The following ETFA variants were observed in gnomAD, a reference collection of about 807,000 sequenced individuals.
ETFA encodes electron transfer flavoprotein subunit alpha, mitochondrial.
ETFA carries 22 observed loss-of-function variants against 46.2 expected under a neutral mutation model. The ratio of observed to expected loss-of-function variants is 0.48; its 90% confidence interval spans 0.34 to 0.68. ETFA has a LOEUF of 0.68. ETFA is among the 30% of genes least tolerant of loss of function. The pLI is 0.01. For synonymous variants in ETFA, 131 were observed against 139.9 expected, an observed-to-expected ratio of 0.94 and a Z score of 0.45; for missense variants, 345 against 401.1, an observed-to-expected ratio of 0.86 and a Z score of 1.19.
intron 8 of ETFA, among the ~76,000 whole-genome samples, chr15:76,280,039 C>T (rs1045588006): frequency 6.6e-6 from 1 of 152,110 alleles, no homozygotes; most frequent in Non-Finnish European, 1.5e-5. Context: ...GCAGGGACTA[C>T]AGGCTCACAC....
intron 9 of ETFA, chr15:76,261,652 C>G (rs555730073): frequency 2.6e-4 from 98 of 383,766 alleles, no homozygotes; most frequent in African/African-American, 2.0e-3. Context: ...GCGGCAGCAG[C>G]AGGAGCCCCA....
chr15:76,286,263 CA>C, intron 6 of ETFA, 107 bp downstream of exon 6: 3 of 637,650 alleles, frequency 4.7e-6, no homozygotes, highest in South Asian at 4.2e-5. Context: ...ATTGAACTTT[CA>C]AATACTATTC....
chr15:76,228,158 G>T, intron 10 of ETFA: 1 of 364,676 alleles, frequency 2.7e-6, no homozygotes, highest in Non-Finnish European at 5.3e-6. Flanking sequence ...TCATCCGAAA[G>T]CTTTTTCATT....
intron 9 of ETFA, among the ~76,000 whole-genome samples, chr15:76,267,473 T>C (rs2039481502): frequency 6.6e-6 from 1 of 152,212 alleles, no homozygotes; most frequent in South Asian, 2.1e-4. Context: ...AAATCTAAGA[T>C]ATTTCCATTT....
chr15:76,291,002 G>A (rs1404035421), intron 4 of ETFA, among the ~76,000 whole-genome samples: 1 of 152,144 alleles, frequency 6.6e-6, no homozygotes. Context: ...GATGACTTGA[G>A]GCCAGGAGTT....
In ETFA at chr15:76,216,411, A is replaced by C; in HGVS notation, c.*148T>G. 1.6e-6 allele frequency: 1 copy of C among 616,604 alleles called. No homozygotes were observed. 38.2% of individuals were successfully genotyped at this position (616,604 alleles called of 1,614,324 possible). A position where few individuals can be genotyped will look rare whatever the true frequency, so the allele number is the denominator to read the frequency against. ...AAGGAAACACAGCAATCCCATAAACAAGCATTCTGGCATCTGTTAGAAATT... is the reference window on the plus strand; with the variant it reads ...AAGGAAACACAGCAATCCCATAAACCAGCATTCTGGCATCTGTTAGAAATT... On this transcript the variant is annotated 3_prime_UTR_variant, in exon 12 of 12. Transcript: ENST00000557943.
At chr15:76,308,366 A>G (rs1001302610) in intron 1 of ETFA, among the ~76,000 whole-genome samples, 1 of 152,216 alleles carries the variant, frequency 6.6e-6, no homozygotes, top group Non-Finnish European at 1.5e-5. Flanking sequence ...TTGACAGTGG[A>G]GAAACCTGGC....
chr15:76,284,464 A>C (rs1477827358), intron 7 of ETFA: 1 of 208,542 alleles, frequency 4.8e-6, no homozygotes, highest in Non-Finnish European at 9.4e-6. Flanking sequence ...GTCTCTACTA[A>C]AAATACAAAA....
At chr15:76,243,047 A>G (rs1027091714) in intron 9 of ETFA, among the ~76,000 whole-genome samples, 6 of 152,232 alleles carry the variant, frequency 3.9e-5, no homozygotes, top group Non-Finnish European at 8.8e-5. Context: ...TTATAATCCC[A>G]GCACTTTGGG....
In ETFA at chr15:76,292,461, G is replaced by A. The variant is rs368550471; in HGVS notation, c.321C>T (p.His107=). ...LATQKQFNYT[H]ICAGASAFGK... is the part of the protein sequence containing the mutation. The stretch of plus-strand genomic sequence containing the variant: ...CGAAGGCAGATGCTCCAGCACAGAT[G>A]TGTGTGTAATTGAACTGCTTCTGAG... Residue 107 remains histidine (H), a synonymous_variant, in exon 4 of 12, where the codon CAC becomes CAT. Coordinates refer to ENST00000557943, the MANE Select transcript of ETFA (RefSeq NM_000126.4). 21 of 1,613,440 alleles carry A rather than the reference G, an allele frequency of 1.3e-5. No individual in the cohort carries two copies. Among genetic ancestry groups the A allele is most frequent in the Admixed American group, 1.7e-5 (1 of 60,012 alleles).
At chr15:76,298,882 T>C (rs1188827277) in intron 1 of ETFA, among the ~76,000 whole-genome samples, 2 of 151,998 alleles carry the variant, frequency 1.3e-5, no homozygotes, top group Admixed American at 1.3e-4. Context: ...AGCAGAAGAG[T>C]AGTACAGAAT....
chr15:76,266,836 G>T (rs1004420234), intron 9 of ETFA, among the ~76,000 whole-genome samples: 1 of 151,922 alleles, frequency 6.6e-6, no homozygotes, highest in Non-Finnish European at 1.5e-5. Flanking sequence ...CCTGGGAGGC[G>T]GAGCTTGCAG....
chr15:76,233,013 A>G (rs895982872), intron 9 of ETFA, among the ~76,000 whole-genome samples: 4 of 152,222 alleles, frequency 2.6e-5, no homozygotes, highest in African/African-American at 9.6e-5. Context: ...TCATCTAAAA[A>G]TGAGATGAGC....
chr15:76,216,459 G>T lies in ETFA; in HGVS notation c.*100C>A. 1 of 737,410 alleles carries T rather than the reference G, an allele frequency of 1.4e-6. No homozygotes were observed. 45.7% of individuals were successfully genotyped at this position (737,410 alleles called of 1,614,324 possible). On this transcript the variant is annotated 3_prime_UTR_variant, in exon 12 of 12. Transcript: ENST00000557943. The stretch of plus-strand genomic sequence containing the variant: ...ATTTTCCCTCAAATTATGAAATGTA[G>T]CTCTCCATGCTTTCCAATGATTGTT...
chr15:76,295,936 C>CTTTTTTTGTTTTTTTTTTTT, intron 1 of ETFA, among the ~76,000 whole-genome samples, 199 bp from the exon 2 acceptor site: 1 of 46,602 alleles, frequency 2.1e-5, no homozygotes, highest in Non-Finnish European at 4.2e-5. Context: ...CACTAATATT[C>CTTTTTTTGTTTTTTTTTTTT]TTTTTTTTTT....
intron 11 of ETFA, among the ~76,000 whole-genome samples, chr15:76,223,007 G>A (rs1596186954): frequency 6.6e-6 from 1 of 151,856 alleles, no homozygotes; most frequent in Non-Finnish European, 1.5e-5. Flanking sequence ...GCTAATTTTT[G>A]TATTTTTTGT....
rs1014739833 is a variant in ETFA, at chr15:76,272,805, AATATATAC to A, written c.816+1599_816+1606del. ...AACATAGCAAGACCCTGTCTCTTAA[AATATATAC>A]ATATATATATATATATATGCGCATG... On this transcript the variant is annotated intron_variant, in intron 9 of 11. Transcript: ENST00000557943. Among the ~76,000 whole-genome samples, 12 of 78,560 alleles carry A rather than the reference AATATATAC, an allele frequency of 1.5e-4. 1 individual carries two copies. The highest frequency in any genetic ancestry group is 4.6e-4 in the African/African-American group (10 of 21,936). The allele number at this position is 78,560 out of a possible 152,430, so 51.5% of individuals were successfully genotyped here.
At chr15:76,272,456 G>A (rs1316282241) in intron 9 of ETFA, among the ~76,000 whole-genome samples, 2 of 151,982 alleles carry the variant, frequency 1.3e-5, no homozygotes, top group Admixed American at 6.6e-5. Context: ...TCCTGACCTC[G>A]TGATCCAACT....
At chr15:76,274,102 G>T in intron 9 of ETFA, 1 of 340,018 alleles carries the variant, frequency 2.9e-6, no homozygotes, top group Non-Finnish European at 5.5e-6. Context: ...TCTTATCAAT[G>T]TGAACTTATA....
Sources: allele counts gnomAD v4.1 joint callset (sites outside exome capture counted in the v4.1 genomes callset), GRCh38; gene constraint gnomAD v4.1.1; transcripts MANE v1.5; gene names NCBI Gene and HGNC (gene_info 2026-07-23, HGNC 2026-07-21).